The following EYA1 variants were observed in gnomAD, a reference collection of about 807,000 sequenced individuals.
The protein encoded by EYA1 is protein phosphatase EYA1.
Under a neutral mutation model 82.0 loss-of-function variants are expected in EYA1, and 16 were observed. That is an observed-to-expected ratio of 0.20 (90% confidence interval 0.13 to 0.30). EYA1 has a LOEUF of 0.30. Among genes scored for constraint, EYA1 ranks in the 10% least tolerant of loss-of-function variants. The pLI, the probability that EYA1 is intolerant of heterozygous loss-of-function variation, is 1.00. For synonymous variants in EYA1, 261 were observed against 264.4 expected, an observed-to-expected ratio of 0.99 and a Z score of 0.12; for missense variants, 633 against 730.7, an observed-to-expected ratio of 0.87 and a Z score of 1.54.
intron 11 of EYA1, among the ~76,000 whole-genome samples, chr8:71,255,536 T>C (rs1309164375): frequency 6.6e-6 from 1 of 152,126 alleles, no homozygotes; most frequent in African/African-American, 2.4e-5. Context: ...GGAAACTGGA[T>C]ATCCACATGC....
intron 2 of EYA1, among the ~76,000 whole-genome samples, chr8:71,511,261 A>G (rs74473107): frequency 6.6e-6 from 1 of 152,164 alleles, no homozygotes; most frequent in Non-Finnish European, 1.5e-5. Context: ...TTTTCTGAGT[A>G]CCTGTTACAT....
intron 17 of EYA1, chr8:71,204,312 A>G (rs978126674): frequency 1.1e-4 from 17 of 152,208 alleles, no homozygotes; most frequent in African/African-American, 3.9e-4. Context: ...ACTACATATA[A>G]CAACAACCAT....
intron 2 of EYA1, among the ~76,000 whole-genome samples, chr8:71,489,629 A>G (rs1810840082): frequency 6.6e-6 from 1 of 152,204 alleles, no homozygotes; most frequent in South Asian, 2.1e-4. Context: ...GTACCATTTG[A>G]CTGCTTCTGT....
intron 9 of EYA1, among the ~76,000 whole-genome samples, chr8:71,275,096 C>T (rs896278580): frequency 1.3e-5 from 2 of 152,092 alleles, no homozygotes; most frequent in African/African-American, 2.4e-5. Context: ...AGTGGGGGCT[C>T]ACACTCCACG....
intron 2 of EYA1, among the ~76,000 whole-genome samples, chr8:71,417,495 C>T (rs1050423976): frequency 3.9e-5 from 6 of 152,008 alleles, no homozygotes; most frequent in South Asian, 2.1e-4. Flanking sequence ...TCCATTATAT[C>T]GATGTATCAA....
chr8:71,452,673 C>T (rs1217440658), intron 2 of EYA1, among the ~76,000 whole-genome samples: 1 of 152,148 alleles, frequency 6.6e-6, no homozygotes, highest in African/African-American at 2.4e-5. Context: ...TGGAGTGGAC[C>T]TCCAGCAAAC....
At chr8:71,389,122 A>C (rs1447750156) in intron 2 of EYA1, among the ~76,000 whole-genome samples, 1 of 152,046 alleles carries the variant, frequency 6.6e-6, no homozygotes, top group Non-Finnish European at 1.5e-5. Flanking sequence ...AAGAAAAGAA[A>C]CAACAAGGTT....
At chr8:71,513,752 C>T (rs1235641769) in intron 2 of EYA1, among the ~76,000 whole-genome samples, 2 of 152,096 alleles carry the variant, frequency 1.3e-5, no homozygotes, top group Non-Finnish European at 2.9e-5. Flanking sequence ...TCCTCTCCAG[C>T]TCCTCACTAT....
upstream of EYA1, among the ~76,000 whole-genome samples, chr8:71,364,548 A>G (rs994109275): frequency 6.6e-6 from 1 of 152,112 alleles, no homozygotes; most frequent in African/African-American, 2.4e-5. Context: ...AGTCATACAT[A>G]TAACTACAAA....
At chr8:71,508,513 T>A (rs1315055281) in intron 2 of EYA1, among the ~76,000 whole-genome samples, 1 of 152,202 alleles carries the variant, frequency 6.6e-6, no homozygotes, top group Non-Finnish European at 1.5e-5. Flanking sequence ...AAAATTCCTG[T>A]TGAAACCTAA....
At position 71,429,424 on chromosome 8, in the gene EYA1, G is replaced by A. The variant is rs1358458600; in HGVS notation, c.34-72913C>T. 2.0e-5 allele frequency among the ~76,000 whole-genome samples: 3 copies of A among 152,046 alleles called. No homozygotes were observed. In the South Asian group the frequency reaches 6.2e-4, roughly 32 times the overall value. ...ATACACCTCTAAAATAAAAATCCTTGTATTTTAGATAATTTAGGTCAAATT... is the reference window on the plus strand; with the variant it reads ...ATACACCTCTAAAATAAAAATCCTTATATTTTAGATAATTTAGGTCAAATT... On this transcript the variant is annotated intron_variant, in intron 2 of 18. Transcript: ENST00000643681.
chr8:71,348,507 A>T (rs922155342), intron 3 of EYA1, among the ~76,000 whole-genome samples: 1 of 152,226 alleles, frequency 6.6e-6, no homozygotes, highest in Non-Finnish European at 1.5e-5. Flanking sequence ...AATTGGAAGT[A>T]GGGAAAAGCT....
At chr8:71,364,315 G>T (rs1332926715), upstream of EYA1, among the ~76,000 whole-genome samples, 6 of 151,830 alleles carry the variant, frequency 4.0e-5, no homozygotes, top group Admixed American at 3.9e-4. Flanking sequence ...CATAAATTGT[G>T]TATGGTTACT....
intron 2 of EYA1, among the ~76,000 whole-genome samples, chr8:71,457,883 T>TA (rs967761458): frequency 2.3e-4 from 35 of 152,022 alleles, no homozygotes; most frequent in Admixed American, 4.6e-4. Flanking sequence ...TAAGGTATAA[T>TA]AAAAAAAAGA....
At chr8:71,202,613 C>T (rs1235981221) in intron 17 of EYA1, among the ~76,000 whole-genome samples, 1 of 152,112 alleles carries the variant, frequency 6.6e-6, no homozygotes, top group East Asian at 1.9e-4. Flanking sequence ...TGGGGATGGG[C>T]CATTCATTTG....
intron 2 of EYA1, among the ~76,000 whole-genome samples, chr8:71,419,270 C>T (rs1327183769): frequency 6.6e-6 from 1 of 152,192 alleles, no homozygotes; most frequent in African/African-American, 2.4e-5. Flanking sequence ...CATATCATCA[C>T]ATACATCTTA....
chr8:71,211,144 A>C lies in EYA1; in HGVS notation c.1698+12T>G, dbSNP rs1291758398. The C allele has an allele frequency of 6.5e-7, 1 of 1,543,024 alleles. No individual in the cohort carries two copies. Among genetic ancestry groups the C allele is most frequent in the African/African-American group, 1.4e-5 (1 of 73,460 alleles). Reference sequence around the variant, plus strand: ...ACAAATGAGACAAGATGCACCATCTAGGAATGCTCACCTTTTTTGCTCCTT... The same window carrying C: ...ACAAATGAGACAAGATGCACCATCTCGGAATGCTCACCTTTTTTGCTCCTT... On this transcript the variant is annotated intron_variant, in intron 17 of 17. Coordinates refer to ENST00000340726, the MANE Select transcript of EYA1 (RefSeq NM_000503.6).
chr8:71,485,559 G>A (rs899238450), intron 2 of EYA1, among the ~76,000 whole-genome samples: 5 of 151,580 alleles, frequency 3.3e-5, no homozygotes, highest in Admixed American at 1.3e-4. Flanking sequence ...ACAAGTCAAC[G>A]GAAGAGTAAA....
chr8:71,286,461 CAT>C (rs1818371151), intron 9 of EYA1, among the ~76,000 whole-genome samples: 1 of 152,158 alleles, frequency 6.6e-6, no homozygotes, highest in African/African-American at 2.4e-5. Flanking sequence ...GGAGCCATGA[CAT>C]ATTGTTATGC....
Sources: allele counts gnomAD v4.1 joint callset (sites outside exome capture counted in the v4.1 genomes callset), GRCh38; gene constraint gnomAD v4.1.1; transcripts MANE v1.5; gene names NCBI Gene and HGNC (gene_info 2026-07-23, HGNC 2026-07-21).